The following CCDC15 variants were observed in gnomAD, a reference collection of about 807,000 sequenced individuals.
CCDC15 encodes the protein coiled-coil domain containing 15.
A neutral mutation model predicts 114.5 loss-of-function variants in CCDC15; 105 were observed. The ratio of observed to expected loss-of-function variants is 0.92; its 90% CI spans 0.78 to 1.08. The LOEUF is 1.08. Among genes scored for constraint, CCDC15 ranks in the 50% least tolerant of loss-of-function variants. CCDC15 has a pLI of 0.00. For synonymous variants in CCDC15, 334 were observed against 377.8 expected (o/e 0.88, Z 1.34); for missense variants, 1,105 against 1,093.6 (o/e 1.01, Z -0.15).
chr11:124,984,171 A>G (rs1048690321), intron 6 of CCDC15, among the ~76,000 whole-genome samples: 7 of 152,196 alleles, frequency 4.6e-5, no homozygotes, highest in African/African-American at 1.7e-4. Context: ...CTGCACACAC[A>G]CATGTGAGTA....
intron 4 of CCDC15, among the ~76,000 whole-genome samples, chr11:124,969,106 T>G (rs954558550): frequency 6.6e-6 from 1 of 152,222 alleles, no homozygotes; most frequent in African/African-American, 2.4e-5. Flanking sequence ...TGATTTCTTC[T>G]GAATACTATT....
At chr11:125,038,239 G>T (rs950840912) in intron 13 of CCDC15, 192 bp from the exon 14 acceptor site, 3 of 429,462 alleles carry the variant, frequency 7.0e-6, no homozygotes, top group Non-Finnish European at 1.2e-5. Flanking sequence ...TCTTTTAATA[G>T]TAGCCATTGC....
rs376633704 is a variant in CCDC15, at chr11:124,991,525, T to C, written c.1973T>C (p.Leu658Pro). ...TDEKGREDFSLADYQCLPPKS... is the reference protein window; with the variant it reads ...TDEKGREDFSPADYQCLPPKS... The stretch of plus-strand genomic sequence containing the variant: ...GAGAAAGGGAGAGAAGACTTTTCTC[T>C]GGCAGACTATCAGTGTTTGCCTCCC... The change falls in exon 9 of 16, where the codon CTG becomes CCG. Residue 658 changes from leucine to proline, a missense_variant. By Grantham distance (98) the Leu-to-Pro change is moderately conservative. Coordinates refer to ENST00000344762, the MANE Select transcript of CCDC15 (RefSeq NM_025004.3). The C allele has an allele frequency of 1.3e-5, 21 of 1,610,016 alleles. No individual in the cohort carries two copies. In the African/African-American group the frequency reaches 2.7e-4, roughly 20 times the overall value.
At chr11:124,983,009 T>C (rs1948097268) in intron 6 of CCDC15, among the ~76,000 whole-genome samples, 1 of 152,236 alleles carries the variant, frequency 6.6e-6, no homozygotes, top group South Asian at 2.1e-4. Context: ...CTTTTTTCTT[T>C]ATTTTTGTCT....
chr11:124,967,671 GTTGCTGGCGAGGAGCTGTGATCCT>G (rs1565356652), intron 4 of CCDC15, among the ~76,000 whole-genome samples: 7 of 152,152 alleles, frequency 4.6e-5, no homozygotes, highest in African/African-American at 1.7e-4. Context: ...GCTTTGTTCC[GTTGCTGGCGAGGAGCTGTGATCCT>G]TTGGAGGAGA....
At chr11:124,997,913 G>A (rs1948403358) in intron 11 of CCDC15, among the ~76,000 whole-genome samples, 1 of 152,176 alleles carries the variant, frequency 6.6e-6, no homozygotes, top group Non-Finnish European at 1.5e-5. Context: ...CTACACTCCA[G>A]CCTGGGTGAC....
intron 13 of CCDC15, among the ~76,000 whole-genome samples, chr11:125,018,687 A>G (rs1249403991): frequency 6.6e-6 from 1 of 152,120 alleles, no homozygotes; most frequent in African/African-American, 2.4e-5. Context: ...AAATGAGGTA[A>G]CGTGTAAATG....
chr11:124,986,719 G>GCGCA (rs1555068532), intron 6 of CCDC15, 23 bp from the exon 7 acceptor site: 3 of 1,532,746 alleles, frequency 2.0e-6, no homozygotes, highest in African/African-American at 2.8e-5. Context: ...GCGCGTGCGC[G>GCGCA]TTTTCATTGT....
Position 124,954,919 on chromosome 11 carries a change from A to G in CCDC15, c.177+10A>G. On this transcript the variant is annotated intron_variant, in intron 2 of 15. Coordinates refer to ENST00000344762, the MANE Select transcript of CCDC15 (RefSeq NM_025004.3). Reference sequence around the variant, plus strand: ...GGAAATCCCAGCATATGTGAGTGTCAGTTTGATCCAAATATGGTGGGGTTC... The same window carrying G: ...GGAAATCCCAGCATATGTGAGTGTCGGTTTGATCCAAATATGGTGGGGTTC... The G allele has an allele frequency of 6.2e-7, 1 of 1,613,170 alleles. No individual in the cohort carries two copies. Among genetic ancestry groups the G allele is most frequent in the Non-Finnish European group, 8.5e-7 (1 of 1,179,208 alleles).
At chr11:124,990,315 A>T (rs1280734936) in intron 8 of CCDC15, among the ~76,000 whole-genome samples, 1 of 152,208 alleles carries the variant, frequency 6.6e-6, no homozygotes, top group African/African-American at 2.4e-5. Flanking sequence ...CAATTAGGAT[A>T]GTAACATCAG....
At chr11:124,959,004 A>T (rs1451766491) in intron 2 of CCDC15, 111 bp from the exon 3 acceptor site, 1 of 650,362 alleles carries the variant, frequency 1.5e-6, no homozygotes, top group African/African-American at 1.9e-5. Context: ...TACAGAATGG[A>T]ATTATTTTTT....
rs1216520253 is a variant in CCDC15 at position 125,041,214 on chromosome 11, C to G, written c.*503C>G. On this transcript the variant is annotated 3_prime_UTR_variant, in exon 16 of 16. Transcript: ENST00000344762. ...ATTTGTTGCACATTTTTTTCCTCAG[C>G]ATTTTTTCCTCTTGTTTTTTAAAAT... The G allele has an allele frequency of 6.6e-6, 1 of 152,212 alleles. No homozygotes were observed. The highest frequency in any genetic ancestry group is 1.5e-5 in the Non-Finnish European group (1 of 68,044). 9.4% of individuals were successfully genotyped at this position (152,212 alleles called of 1,614,324 possible).
Position 124,988,151 on chromosome 11 carries a change from A to G in CCDC15, c.1908+17A>G. 2 of 1,589,314 alleles carry G rather than the reference A, an allele frequency of 1.3e-6. No homozygotes were observed. The highest frequency in any genetic ancestry group is 8.5e-7 in the Non-Finnish European group (1 of 1,170,572). ...AAATATCAGGTAAAATAGAGCAGAA[A>G]GGAGATACAAAAAGAAGAAATAAGC... On this transcript the variant is annotated intron_variant, in intron 8 of 15. Transcript: ENST00000344762.
intron 13 of CCDC15, among the ~76,000 whole-genome samples, chr11:125,022,135 T>C (rs929893971): frequency 6.6e-6 from 1 of 151,902 alleles, no homozygotes; most frequent in African/African-American, 2.4e-5. Context: ...CTCTAACTTA[T>C]TTCACACATG....
chr11:125,009,887 C>G (rs1265659834), intron 13 of CCDC15, among the ~76,000 whole-genome samples: 1 of 152,210 alleles, frequency 6.6e-6, no homozygotes, highest in Non-Finnish European at 1.5e-5. Context: ...ACCACATTTT[C>G]TTTATCCAGT....
intron 4 of CCDC15, 131 bp downstream of exon 4, chr11:124,960,134 CCT>C (rs1947633073): frequency 9.5e-6 from 5 of 527,048 alleles, no homozygotes; most frequent in Admixed American, 4.5e-5. Context: ...TAATCATCCC[CCT>C]TTTTTTTTTT....
intron 6 of CCDC15, among the ~76,000 whole-genome samples, chr11:124,978,939 T>C (rs1483685892): frequency 1.3e-5 from 2 of 152,186 alleles, no homozygotes; most frequent in African/African-American, 2.4e-5. Flanking sequence ...AGGTTTTACA[T>C]TTAAGTCTTT....
At chr11:125,039,183 A>G in intron 15 of CCDC15, 114 bp downstream of exon 15, 9 of 948,320 alleles carry the variant, frequency 9.5e-6, no homozygotes, top group Non-Finnish European at 1.3e-5. Flanking sequence ...AGAGACTGTT[A>G]TAAACCCTTT....
chr11:125,003,975 G>C lies in CCDC15; in HGVS notation c.2307+16G>C. ...TAAGAAAGAGGTATGTAATGATACT[G>C]CTTTTGGATCCCAATATTTCTACTA... is the stretch of plus-strand genomic sequence containing the variant. On this transcript the variant is annotated intron_variant, in intron 12 of 15. Transcript: ENST00000344762. 1 of 1,281,512 alleles carries C rather than the reference G, an allele frequency of 7.8e-7. No individual in the cohort carries two copies. The highest frequency in any genetic ancestry group is 1.1e-6 in the Non-Finnish European group (1 of 942,926). The allele number at this position is 1,281,512 out of a possible 1,614,324, so 79.4% of individuals were successfully genotyped here. A position where few individuals can be genotyped will look rare whatever the true frequency, so the allele number is the denominator to read the frequency against.
Sources: gnomAD v4.1 joint callset for allele counts (sites outside exome capture counted in the v4.1 genomes callset) on GRCh38, gnomAD v4.1.1 for gene constraint, MANE v1.5 for transcripts, NCBI Gene and HGNC (gene_info 2026-07-23, HGNC 2026-07-21) for gene names.